The following VPS13B variants were observed in gnomAD, a reference collection of about 807,000 sequenced individuals.
VPS13B encodes the protein vacuolar protein sorting 13 homolog B.
Under a neutral mutation model 426.4 loss-of-function variants are expected in VPS13B, and 285 were observed. The ratio of observed to expected loss-of-function variants is 0.67; its 90% CI spans 0.61 to 0.74. The LOEUF (loss-of-function observed/expected upper bound fraction) is 0.74. Ranked by LOEUF, VPS13B falls within the 30% of genes least tolerant of loss-of-function variation. The pLI is 0.00. For missense variants in VPS13B, 4,537 were observed against 4,782.6 expected, an observed-to-expected ratio of 0.95 and a Z score of 1.51; for synonymous variants, 1,676 against 1,676.4, an observed-to-expected ratio of 1.00 and a Z score of 0.01.
At chr8:99,536,521 GA>G in intron 30 of VPS13B, 1 of 357,308 alleles carries the variant, frequency 2.8e-6, no homozygotes, top group South Asian at 2.3e-5. Flanking sequence ...GTTATTTAGT[GA>G]AAAATGTCAT....
At chr8:99,068,337 A>T (rs994437138) in intron 3 of VPS13B, among the ~76,000 whole-genome samples, 1 of 152,264 alleles carries the variant, frequency 6.6e-6, no homozygotes, top group Non-Finnish European at 1.5e-5. Context: ...TGAAATCACT[A>T]GGTTACAAAG....
intron 19 of VPS13B, among the ~76,000 whole-genome samples, chr8:99,328,015 A>G (rs756121274): frequency 4.6e-5 from 7 of 152,222 alleles, no homozygotes; most frequent in Non-Finnish European, 8.8e-5. Context: ...CCATAGGCCA[A>G]AATGGTTCCA....
At position 99,134,911 on chromosome 8, in the gene VPS13B, A is replaced by G. The variant is rs562158365; in HGVS notation, c.1303-104A>G. 161 of 1,391,226 alleles carry G rather than the reference A, an allele frequency of 1.2e-4. No individual in the cohort carries two copies. In the East Asian group the frequency reaches 2.0e-3, roughly 17 times the overall value. The allele number at this position is 1,391,226 out of a possible 1,614,324, so 86.2% of individuals were successfully genotyped here. The stretch of plus-strand genomic sequence containing the variant: ...AGTATAGAATAAATTTAAAAATGAC[A>G]TAATTCTAAAGATGTTTAACTAATT... On this transcript the variant is annotated intron_variant, in intron 9 of 61. Coordinates refer to ENST00000357162, the MANE Select transcript of VPS13B (RefSeq NM_152564.5).
intron 8 of VPS13B, among the ~76,000 whole-genome samples, chr8:99,131,237 T>C (rs1002811998): frequency 3.9e-5 from 6 of 152,230 alleles, no homozygotes. Context: ...ACAGTATATT[T>C]GTCAAAACTA....
chr8:99,400,142 T>A (rs1227610965), intron 21 of VPS13B, among the ~76,000 whole-genome samples: 1 of 152,220 alleles, frequency 6.6e-6, no homozygotes, highest in Non-Finnish European at 1.5e-5. Context: ...GAAGGTAAAT[T>A]ATGTTGAAAA....
chr8:99,796,424 G>T (rs2130744651), intron 43 of VPS13B, among the ~76,000 whole-genome samples: 1 of 152,116 alleles, frequency 6.6e-6, no homozygotes, highest in Non-Finnish European at 1.5e-5. Context: ...ATGGAAGAGA[G>T]TTAGGCACAT....
At chr8:99,727,121 T>A (rs1588659895) in intron 39 of VPS13B, among the ~76,000 whole-genome samples, 1 of 152,326 alleles carries the variant, frequency 6.6e-6, no homozygotes, top group East Asian at 1.9e-4. Flanking sequence ...TAACTGGTTG[T>A]GAATCACAAA....
chr8:99,785,095 G>T (rs1272649441), intron 43 of VPS13B, among the ~76,000 whole-genome samples: 24 of 152,118 alleles, frequency 1.6e-4, no homozygotes, highest in African/African-American at 5.6e-4. Flanking sequence ...TGTTTTCCAA[G>T]TAGTGTAATT....
chr8:99,819,658 A>G, intron 48 of VPS13B, 76 bp downstream of exon 48: 1 of 1,494,622 alleles, frequency 6.7e-7, no homozygotes, highest in East Asian at 2.4e-5. Flanking sequence ...AATATTAAAT[A>G]CCATAAGTGG....
At chr8:99,482,231 C>T (rs924366980) in intron 25 of VPS13B, among the ~76,000 whole-genome samples, 4 of 152,072 alleles carry the variant, frequency 2.6e-5, no homozygotes, top group Non-Finnish European at 5.9e-5. Context: ...AATGCCCTCT[C>T]CTCTTCCTCC....
chr8:99,445,306 A>C (rs1817860308), intron 23 of VPS13B, among the ~76,000 whole-genome samples: 1 of 149,406 alleles, frequency 6.7e-6, no homozygotes, highest in Admixed American at 6.7e-5. Context: ...CTCTACAAAA[A>C]ATTTAAAAAT....
At chr8:99,773,718 T>C (rs1176258084) in intron 40 of VPS13B, among the ~76,000 whole-genome samples, 2 of 152,216 alleles carry the variant, frequency 1.3e-5, no homozygotes, top group Non-Finnish European at 2.9e-5. Context: ...GAGGTCTTGC[T>C]TCCAGGAACT....
At chr8:99,647,804 C>G (rs1366507849) in intron 34 of VPS13B, among the ~76,000 whole-genome samples, 2 of 152,072 alleles carry the variant, frequency 1.3e-5, no homozygotes, top group Non-Finnish European at 2.9e-5. Flanking sequence ...AAAATTGTCA[C>G]TCGATCATGG....
intron 30 of VPS13B, among the ~76,000 whole-genome samples, chr8:99,525,647 G>A (rs929418740): frequency 2.6e-5 from 4 of 152,174 alleles, no homozygotes; most frequent in African/African-American, 4.8e-5. Flanking sequence ...TCTAGATACT[G>A]GGTGTATGTC....
At chr8:99,547,154 A>T (rs1186090863) in intron 30 of VPS13B, among the ~76,000 whole-genome samples, 1 of 152,034 alleles carries the variant, frequency 6.6e-6, no homozygotes, top group African/African-American at 2.4e-5. Flanking sequence ...AAAAGAGGGC[A>T]TGTTCCTCAG....
At chr8:99,072,742 A>C (rs2132338509) in intron 3 of VPS13B, among the ~76,000 whole-genome samples, 1 of 152,264 alleles carries the variant, frequency 6.6e-6, no homozygotes, top group East Asian at 1.9e-4. Context: ...TCTTAAGGTT[A>C]AGTCTTTAAT....
chr8:99,845,458 A>AT (rs939211092), intron 54 of VPS13B, among the ~76,000 whole-genome samples: 3 of 152,230 alleles, frequency 2.0e-5, no homozygotes, highest in Non-Finnish European at 4.4e-5. Flanking sequence ...TCACTCGTGC[A>AT]TCTGCATTCA....
intron 19 of VPS13B, among the ~76,000 whole-genome samples, chr8:99,315,924 A>G (rs906289263): frequency 1.3e-5 from 2 of 152,212 alleles, no homozygotes; most frequent in African/African-American, 4.8e-5. Flanking sequence ...CATTGGTAGA[A>G]CTTTTGCTCC....
At chr8:99,873,130 A>G (rs548374259) in intron 61 of VPS13B, 1 of 152,342 alleles carries the variant, frequency 6.6e-6, no homozygotes, top group South Asian at 2.1e-4. Flanking sequence ...CTTAATGAGA[A>G]ACCTCCAAGG....
Sources: allele counts gnomAD v4.1 joint callset (sites outside exome capture counted in the v4.1 genomes callset), GRCh38; gene constraint gnomAD v4.1.1; transcripts MANE v1.5; gene names NCBI Gene and HGNC (gene_info 2026-07-23, HGNC 2026-07-21).